The following POLR3G variants were observed in gnomAD, a reference collection of about 807,000 sequenced individuals.
POLR3G encodes RNA polymerase III subunit G.
POLR3G carries 28 observed loss-of-function variants against 30.1 expected under a neutral mutation model. The ratio of observed to expected loss-of-function variants is 0.93; its 90% CI spans 0.69 to 1.27. The LOEUF (loss-of-function observed/expected upper bound fraction) is 1.27, where lower values mean the gene tolerates loss of function less well. POLR3G is among the 50% of genes most tolerant of loss of function. POLR3G has a pLI of 0.00. For synonymous variants in POLR3G, 79 were observed against 82.5 expected (o/e 0.96, Z 0.23); for missense variants, 254 against 264.6 (o/e 0.96, Z 0.28).
At chr5:90,489,396 G>C (rs1030221281) in intron 3 of POLR3G, among the ~76,000 whole-genome samples, 2 of 151,600 alleles carry the variant, frequency 1.3e-5, no homozygotes, top group African/African-American at 4.8e-5. Context: ...CTCCTGAGTA[G>C]CTGGAATTGC....
In POLR3G at chr5:90,487,980, T is replaced by G; in HGVS notation, c.118-20T>G. ...TACATAATTGATTTGAAAAAAATCT[T>G]TGTCTCTTAATTTAAACAGGATACA... On this transcript the variant is annotated intron_variant, in intron 2 of 7. Transcript: ENST00000651687. The G allele has an allele frequency of 6.6e-7, 1 of 1,514,524 alleles. No individual in the cohort carries two copies. The highest frequency in any genetic ancestry group is 8.8e-7 in the Non-Finnish European group (1 of 1,135,906). The allele number at this position is 1,514,524 out of a possible 1,614,324, so 93.8% of individuals were successfully genotyped here. A position where few individuals can be genotyped will look rare whatever the true frequency, so the allele number is the denominator to read the frequency against.
intron 5 of POLR3G, among the ~76,000 whole-genome samples, chr5:90,497,999 A>T (rs1194909204): frequency 6.6e-6 from 1 of 151,948 alleles, no homozygotes; most frequent in African/African-American, 2.4e-5. Flanking sequence ...AGTCCCAGCT[A>T]CTTGGGGGTC....
intron 4 of POLR3G, among the ~76,000 whole-genome samples, chr5:90,497,205 A>G (rs1194321738): frequency 6.6e-6 from 1 of 152,130 alleles, no homozygotes; most frequent in Non-Finnish European, 1.5e-5. Context: ...CAGATATTAC[A>G]ATTGTTTATT....
At chr5:90,495,538 C>G (rs542177643) in intron 3 of POLR3G, 139 bp from the exon 4 acceptor site, 1 of 1,392,994 alleles carries the variant, frequency 7.2e-7, no homozygotes, top group African/African-American at 1.5e-5. Context: ...TTCCCATTCT[C>G]TTATGTACAA....
chr5:90,494,464 G>A (rs536933783), intron 3 of POLR3G, among the ~76,000 whole-genome samples: 1 of 152,270 alleles, frequency 6.6e-6, no homozygotes, highest in Non-Finnish European at 1.5e-5. Flanking sequence ...TTGAGGAACT[G>A]CCAAACAGTT....
At chr5:90,490,483 C>A in intron 3 of POLR3G, 1 of 238,212 alleles carries the variant, frequency 4.2e-6, no homozygotes, top group Admixed American at 5.2e-5. Flanking sequence ...CTGCAGCTTC[C>A]AAACTCCTGG....
chr5:90,495,158 C>T (rs1055195747), intron 3 of POLR3G, among the ~76,000 whole-genome samples: 3 of 152,200 alleles, frequency 2.0e-5, no homozygotes, highest in African/African-American at 4.8e-5. Flanking sequence ...ATATACTTGA[C>T]ATAGAAGAAA....
upstream of POLR3G, chr5:90,474,317 G>C (rs370085693): frequency 3.7e-6 from 6 of 1,602,872 alleles, no homozygotes; most frequent in East Asian, 1.3e-4. Flanking sequence ...CAGCCAGGCG[G>C]GGTGAGTGTG....
At chr5:90,508,261 A>G (rs1333531368) in intron 7 of POLR3G, among the ~76,000 whole-genome samples, 3 of 152,010 alleles carry the variant, frequency 2.0e-5, no homozygotes, top group African/African-American at 4.8e-5. Context: ...AAATGAAGTC[A>G]TCAAGAGGAA....
intron 7 of POLR3G, 28 bp downstream of exon 7, chr5:90,506,702 A>G: frequency 6.3e-7 from 1 of 1,580,058 alleles, no homozygotes; most frequent in South Asian, 1.2e-5. Flanking sequence ...GATGGTAGCA[A>G]AATTAATAAG....
chr5:90,493,211 T>C (rs1047789112), intron 3 of POLR3G, among the ~76,000 whole-genome samples: 1 of 141,152 alleles, frequency 7.1e-6, no homozygotes, highest in Non-Finnish European at 1.6e-5. Flanking sequence ...TTGGATTTGC[T>C]ATACTTAATT....
chr5:90,488,431 G>A (rs899937696), intron 3 of POLR3G, among the ~76,000 whole-genome samples: 1 of 151,906 alleles, frequency 6.6e-6, no homozygotes, highest in African/African-American at 2.4e-5. Context: ...TAATATTTTA[G>A]TATATATTCC....
At chr5:90,495,992 G>A (rs1751966336) in intron 4 of POLR3G, among the ~76,000 whole-genome samples, 2 of 151,524 alleles carry the variant, frequency 1.3e-5, no homozygotes, top group South Asian at 4.2e-4. Context: ...ATTTTTTTGA[G>A]ATGGAGTCTT....
chr5:90,501,866 C>G, intron 5 of POLR3G, 40 bp from the exon 6 acceptor site: 1 of 1,604,450 alleles, frequency 6.2e-7, no homozygotes, highest in Admixed American at 1.7e-5. Flanking sequence ...TACAGAGTTG[C>G]AGTTGCAGAA....
rs1752809265 is a variant in POLR3G, at chr5:90,513,048, A to G, written c.*909A>G. On this transcript the variant is annotated 3_prime_UTR_variant, in exon 8 of 8. Transcript: ENST00000651687. ...TTATATAAAAATGCAAAATGAACTC[A>G]GGTCATTTTGAAATTAATATTAATA... 1 of 151,984 alleles carries G rather than the reference A, an allele frequency of 6.6e-6. No homozygotes were observed. Among genetic ancestry groups the G allele is most frequent in the African/African-American group, 2.4e-5 (1 of 41,406 alleles). The allele number at this position is 151,984 out of a possible 1,614,324, so 9.4% of individuals were successfully genotyped here.
intron 7 of POLR3G, among the ~76,000 whole-genome samples, chr5:90,507,724 T>C (rs112418772): frequency 0.011 from 1,636 of 152,322 alleles, 12 homozygotes; most frequent in Non-Finnish European, 0.014. Flanking sequence ...ATTCTGTCTA[T>C]TCTTTCAGAT....
intron 3 of POLR3G, among the ~76,000 whole-genome samples, chr5:90,491,928 GT>G (rs1205279210): frequency 2.0e-5 from 3 of 152,106 alleles, no homozygotes; most frequent in Non-Finnish European, 4.4e-5. Context: ...CATTACATCT[GT>G]TTTTTAAGAA....
At chr5:90,485,783 C>T in intron 2 of POLR3G, 99 bp downstream of exon 2, 1 of 748,040 alleles carries the variant, frequency 1.3e-6, no homozygotes, top group South Asian at 2.0e-5. Context: ...ATAGCATCCT[C>T]AAGTATAAGA....
At chr5:90,504,510 C>T (rs1048629843) in intron 6 of POLR3G, among the ~76,000 whole-genome samples, 29 of 150,818 alleles carry the variant, frequency 1.9e-4, no homozygotes, top group South Asian at 1.7e-3. Context: ...TGCAGTGAGC[C>T]GAGATCGTAC....
Sources: gnomAD v4.1 joint callset for allele counts (sites outside exome capture counted in the v4.1 genomes callset) on GRCh38, gnomAD v4.1.1 for gene constraint, MANE v1.5 for transcripts, NCBI Gene and HGNC (gene_info 2026-07-23, HGNC 2026-07-21) for gene names.